Variants in WNT10A observed in about 807,000 individuals in gnomAD.
WNT10A encodes the protein Wnt family member 10A.
Under a neutral mutation model 36.1 loss-of-function variants are expected in WNT10A, and 37 were observed. The observed-to-expected ratio is 1.02, with a 90% CI of 0.79 to 1.35. WNT10A has a LOEUF of 1.35. WNT10A is among the 40% of genes most tolerant of loss of function. The pLI is 0.00. For missense variants in WNT10A, 613 were observed against 601.4 expected, an observed-to-expected ratio of 1.02 and a Z score of -0.20; for synonymous variants, 255 against 254.1, an observed-to-expected ratio of 1.00 and a Z score of -0.03.
the WNT10A span, among the ~76,000 whole-genome samples, chr2:218,875,486 G>A: frequency 2.0e-4 from 31 of 152,190 alleles, no homozygotes; most frequent in African/African-American, 7.0e-4. Context: ...CACCGCGCCC[G>A]GCCAAAACTG....
chr2:218,882,059 A>G, intron 1 of WNT10A, 102 bp from the exon 2 acceptor site: 12 of 1,460,806 alleles, frequency 8.2e-6, no homozygotes, highest in Non-Finnish European at 1.1e-5. Context: ...CAGAGGTTGG[A>G]AGAGGGAGTG....
At chr2:218,876,299 C>A (rs192662523), upstream of WNT10A, among the ~76,000 whole-genome samples, 519 of 152,294 alleles carry the variant, frequency 3.4e-3, 6 homozygotes, top group African/African-American at 0.012. Context: ...GGGGGTGGGG[C>A]AGGCACAGGG....
At chr2:218,882,984 G>A (rs1300457030) in intron 2 of WNT10A, among the ~76,000 whole-genome samples, 1 of 152,216 alleles carries the variant, frequency 6.6e-6, no homozygotes, top group African/African-American at 2.4e-5. Context: ...GGGTGTGTGT[G>A]TGCCTGTGTG....
In WNT10A at chr2:218,893,160, C is replaced by T. The variant is rs1364034477; in HGVS notation, c.1143C>T (p.His381=). The change falls in exon 4 of 4, where the codon CAC becomes CAT. Residue 381 remains histidine, a synonymous_variant. Transcript: ENST00000258411. This position sits in a 1 kb window ranked among gnomAD's most constrained non-coding sequence, Gnocchi z 6.3. ...GCAGCATGTGCTGCGGCCGCGGCCA[C>T]AACATCCTGCGCCAGACGCGCAGCG... The part of the protein sequence containing the change: ...GCGSMCCGRG[H]NILRQTRSER... The T allele has an allele frequency of 6.3e-7, 1 of 1,588,794 alleles. No homozygotes were observed. The highest frequency in any genetic ancestry group is 1.7e-5 in the Admixed American group (1 of 58,998).
At position 218,893,523 on chromosome 2, in the gene WNT10A, T is replaced by G. The variant is rs570627699; in HGVS notation, c.*252T>G. 47 of 459,006 alleles carry G rather than the reference T, an allele frequency of 1.0e-4. 2 individuals are homozygous for G. In the South Asian group the frequency reaches 2.9e-3, roughly 28 times the overall value. 28.4% of individuals were successfully genotyped at this position (459,006 alleles called of 1,614,324 possible). The stretch of plus-strand genomic sequence containing the variant: ...TCCTCCCTCCCCGAAGCCCAGACAG[T>G]TCAGTTGGGCTGGGGGTTGCTCCAC... On this transcript the variant is annotated 3_prime_UTR_variant, in exon 4 of 4. Coordinates refer to ENST00000258411, the MANE Select transcript of WNT10A (RefSeq NM_025216.3). The surrounding 1 kb of genome is among the most constrained non-coding windows in gnomAD (Gnocchi z 6.3).
chr2:218,875,155 CTTTCTTTTTTTTTTTTTTTTTTTTTTT>C, the WNT10A span, among the ~76,000 whole-genome samples: 1 of 62,738 alleles, frequency 1.6e-5, no homozygotes, highest in South Asian at 6.5e-4. Context: ...ATAAGACTGA[CTTTCTTTTTTTTTTTTTTTTTTTTTTT>C]TTTTTTTTTT....
upstream of WNT10A, among the ~76,000 whole-genome samples, chr2:218,879,863 A>C (rs1944489034): frequency 6.6e-6 from 1 of 152,174 alleles, no homozygotes; most frequent in South Asian, 2.1e-4. Context: ...CTAGGGTTAA[A>C]AGTCTCTCTA....
intron 3 of WNT10A, 123 bp from the exon 4 acceptor site, chr2:218,892,651 G>T: frequency 6.9e-7 from 1 of 1,455,548 alleles, no homozygotes; most frequent in Non-Finnish European, 9.2e-7. Context: ...TGGGACCCTC[G>T]CTCCCGGCCT....
At chr2:218,882,913 A>C (rs1481956907) in intron 2 of WNT10A, among the ~76,000 whole-genome samples, 1 of 152,190 alleles carries the variant, frequency 6.6e-6, no homozygotes, top group Non-Finnish European at 1.5e-5. Flanking sequence ...GGCGGGGGAC[A>C]CCACCAGCCT....
chr2:218,885,925 CAT>C (rs1207719804), intron 2 of WNT10A, among the ~76,000 whole-genome samples: 1 of 152,196 alleles, frequency 6.6e-6, no homozygotes, highest in Admixed American at 6.5e-5. Context: ...GCATTTTATC[CAT>C]GCTTTAGGAC....
chr2:218,891,061 T>C (rs1944644742), intron 3 of WNT10A, among the ~76,000 whole-genome samples: 1 of 152,236 alleles, frequency 6.6e-6, no homozygotes, highest in Admixed American at 6.5e-5. Context: ...AGCACTTTCC[T>C]ACATATTAAC....
rs955187779 is a variant in WNT10A, at chr2:218,880,978, C to G, written c.-18C>G. ...GGCTGTGAGCCCCCCACTCCCAGCC[C>G]GTCAGGGCCTGCGCGCCATGGGCAG... On this transcript the variant is annotated 5_prime_UTR_variant, in exon 1 of 4. Transcript: ENST00000258411. This position sits in a 1 kb window ranked among gnomAD's most constrained non-coding sequence, Gnocchi z 7.7. 4.5e-6 allele frequency: 7 copies of G among 1,558,306 alleles called. No individual in the cohort carries two copies. The highest frequency in any genetic ancestry group is 6.1e-6 in the Non-Finnish European group (7 of 1,151,256).
upstream of WNT10A, among the ~76,000 whole-genome samples, chr2:218,878,730 A>G (rs569312515): frequency 3.6e-4 from 55 of 152,294 alleles, no homozygotes; most frequent in South Asian, 2.1e-3. This position sits in a 1 kb window ranked among gnomAD's most constrained non-coding sequence, Gnocchi z 4.1. Context: ...GTGATGGGGA[A>G]TAAGGACATC....
upstream of WNT10A, among the ~76,000 whole-genome samples, chr2:218,878,720 G>A (rs535644778): frequency 5.3e-5 from 8 of 152,258 alleles, no homozygotes; most frequent in Admixed American, 1.3e-4. The surrounding 1 kb of genome is among the most constrained non-coding windows in gnomAD (Gnocchi z 4.1). Flanking sequence ...GTGTGAGCGC[G>A]TGATGGGGAA....
chr2:218,891,165 G>T (rs1174430571), intron 3 of WNT10A, among the ~76,000 whole-genome samples: 3 of 152,152 alleles, frequency 2.0e-5, no homozygotes, highest in African/African-American at 4.8e-5. Context: ...CAAGAAGCTT[G>T]CCCAAAATGA....
chr2:218,881,190 G>C, intron 1 of WNT10A, 82 bp downstream of exon 1: 1 of 1,538,386 alleles, frequency 6.5e-7, no homozygotes, highest in South Asian at 1.2e-5. Flanking sequence ...TGCTGGGGTA[G>C]AGGACCCTGG....
rs539490677 is a variant in WNT10A, at chr2:218,890,593, G to A, written c.756+230G>A. On this transcript the variant is annotated intron_variant, in intron 3 of 3. Transcript: ENST00000258411. ...AAACAAGCCCTGTTGCCCTGGATCA[G>A]CATACCACCTGCTGAGCAACCTGCT... 2.3e-3 allele frequency among the ~76,000 whole-genome samples: 346 copies of A among 152,308 alleles called. 4 individuals are homozygous for A. Among genetic ancestry groups the A allele is most frequent in the Admixed American group, 8.0e-3 (123 of 15,298 alleles).
chr2:218,890,267 C>T lies in WNT10A; in HGVS notation c.660C>T (p.Phe220=), dbSNP rs765046353. The T allele has an allele frequency of 6.0e-5, 97 of 1,612,050 alleles. No homozygotes were observed. The Admixed American group carries it at 8.3e-4, about 14-fold the overall frequency. Residue 220 remains phenylalanine (F), a synonymous_variant, in exon 3 of 4, where the codon TTC becomes TTT. Coordinates refer to ENST00000258411, the MANE Select transcript of WNT10A (RefSeq NM_025216.3). Reference sequence around the variant, plus strand: ...GCGGCTGCAGCCCCGACATGGGCTTCGGGGAGCGCTTTTCTAAGGACTTTC... The same window carrying T: ...GCGGCTGCAGCCCCGACATGGGCTTTGGGGAGCGCTTTTCTAAGGACTTTC... The part of the protein sequence containing the change: ...EWGGCSPDMG[F]GERFSKDFLD...
At chr2:218,884,590 T>C (rs1413157111) in intron 2 of WNT10A, among the ~76,000 whole-genome samples, 1 of 152,162 alleles carries the variant, frequency 6.6e-6, no homozygotes. Context: ...TCTGTGCTTC[T>C]GGAAATAAAT....
Sources: gnomAD v4.1 joint callset for allele counts (sites outside exome capture counted in the v4.1 genomes callset) on GRCh38, gnomAD v4.1.1 for gene constraint, Gnocchi (gnomAD v3.1) non-coding constraint, MANE v1.5 for transcripts, NCBI Gene and HGNC (gene_info 2026-07-23, HGNC 2026-07-21) for gene names.